FHIT: variants seen among roughly 807,000 people sequenced by gnomAD.
FHIT encodes the protein fragile histidine triad diadenosine triphosphatase.
In FHIT, 19 loss-of-function variants were observed where a neutral mutation model predicts 17.9. The ratio of observed to expected loss-of-function variants is 1.06; its 90% CI spans 0.74 to 1.56. The LOEUF (loss-of-function observed/expected upper bound fraction) is 1.56. FHIT is among the 40% of genes most tolerant of loss of function. The pLI is 0.00. For missense variants in FHIT, 248 were observed against 189.2 expected, an observed-to-expected ratio of 1.31 and a Z score of -1.82; for synonymous variants, 81 against 69.7, an observed-to-expected ratio of 1.16 and a Z score of -0.81.
chr3:60,282,828 T>C (rs1293381380), intron 5 of FHIT, among the ~76,000 whole-genome samples: 1 of 152,156 alleles, frequency 6.6e-6, no homozygotes, highest in Non-Finnish European at 1.5e-5. Context: ...TAGGATGATC[T>C]CTAGGCTCTG....
At chr3:61,227,143 G>GAAATTTA (rs1478729856) in intron 1 of FHIT, among the ~76,000 whole-genome samples, 2 of 152,124 alleles carry the variant, frequency 1.3e-5, no homozygotes. Context: ...ACAAGTGGAG[G>GAAATTTA]ACTTTTCTCC....
intron 5 of FHIT, among the ~76,000 whole-genome samples, chr3:60,115,177 C>T (rs911283054): frequency 2.0e-5 from 3 of 151,872 alleles, no homozygotes; most frequent in East Asian, 1.9e-4. Flanking sequence ...TGAAACATAA[C>T]GCCCCAGAAA....
At chr3:60,356,773 A>G in intron 5 of FHIT, among the ~76,000 whole-genome samples, 2 of 133,676 alleles carry the variant, frequency 1.5e-5, no homozygotes, top group South Asian at 2.4e-4. Flanking sequence ...AAAAAAAAAA[A>G]AAAAAAACGG....
intron 8 of FHIT, among the ~76,000 whole-genome samples, chr3:59,835,298 G>C (rs1194537991): frequency 2.0e-5 from 3 of 152,156 alleles, no homozygotes; most frequent in African/African-American, 7.2e-5. Context: ...AAGAAAGTGA[G>C]AGTGATAATA....
chr3:59,920,773 A>T (rs1341170923), intron 8 of FHIT, among the ~76,000 whole-genome samples: 2 of 152,166 alleles, frequency 1.3e-5, no homozygotes, highest in African/African-American at 2.4e-5. Flanking sequence ...CTTTATAATT[A>T]CTCTATAATT....
At chr3:60,189,279 C>T (rs1399243315) in intron 5 of FHIT, among the ~76,000 whole-genome samples, 1 of 151,962 alleles carries the variant, frequency 6.6e-6, no homozygotes, top group Non-Finnish European at 1.5e-5. Flanking sequence ...AGCTTGTATT[C>T]TCTAACTAGA....
chr3:60,951,951 A>T (rs1708903237), intron 3 of FHIT, among the ~76,000 whole-genome samples: 1 of 152,128 alleles, frequency 6.6e-6, no homozygotes, highest in Non-Finnish European at 1.5e-5. Context: ...GGATCACCTG[A>T]GGTCAGGAGT....
At chr3:60,565,000 A>G (rs1452494473) in intron 4 of FHIT, among the ~76,000 whole-genome samples, 6 of 152,188 alleles carry the variant, frequency 3.9e-5, no homozygotes, top group Non-Finnish European at 5.9e-5. Context: ...CTTCATTTTT[A>G]TTGTAAGAAA....
rs148895457 is a variant in FHIT at position 60,185,034 on chromosome 3, A to C, written c.104-170882T>G. The stretch of plus-strand genomic sequence containing the variant: ...CACTATAACGTGCTCCAGGCTCATC[A>C]TGTATATTTCTTGCTGAAGTCCCAG... On this transcript the variant is annotated intron_variant, in intron 5 of 9. Coordinates refer to ENST00000492590, the MANE Select transcript of FHIT (RefSeq NM_002012.4). Among the ~76,000 whole-genome samples, 63 of 152,200 alleles carry C rather than the reference A, an allele frequency of 4.1e-4. No individual in the cohort carries two copies. In the East Asian group the frequency reaches 9.4e-3, roughly 23 times the overall value.
At chr3:60,247,468 T>C (rs79776388) in intron 5 of FHIT, among the ~76,000 whole-genome samples, 10,224 of 151,902 alleles carry the variant, frequency 0.067, 742 homozygotes, top group African/African-American at 0.19. Flanking sequence ...GAAAAGAAAC[T>C]TAAAAACCAC....
chr3:60,539,034 T>C lies in FHIT; in HGVS notation c.-17-2055A>G, dbSNP rs1438031062. Among the ~76,000 whole-genome samples the C allele has an allele frequency of 3.3e-5, 5 of 152,074 alleles. No homozygotes were observed. In the East Asian group the frequency reaches 9.7e-4, roughly 29 times the overall value. ...ACAGAATGGGAGAAAATTTTTGCAA[T>C]CTACTCATCTGACAAAGGGCTAATA... On this transcript the variant is annotated intron_variant, in intron 4 of 9. Coordinates refer to ENST00000492590, the MANE Select transcript of FHIT (RefSeq NM_002012.4).
intron 3 of FHIT, among the ~76,000 whole-genome samples, chr3:61,039,268 G>T (rs926668130): frequency 1.3e-5 from 2 of 152,010 alleles, no homozygotes; most frequent in African/African-American, 4.8e-5. Flanking sequence ...GACTACCCTT[G>T]TATCTAGTAA....
At chr3:59,753,824 T>G (rs896358819) in intron 8 of FHIT, among the ~76,000 whole-genome samples, 1 of 152,144 alleles carries the variant, frequency 6.6e-6, no homozygotes, top group Non-Finnish European at 1.5e-5. Flanking sequence ...CCCAGCTAGG[T>G]AGTGGGGTAG....
At chr3:60,663,168 A>ATATATATATATAT (rs1553691642) in intron 4 of FHIT, among the ~76,000 whole-genome samples, 5 of 139,504 alleles carry the variant, frequency 3.6e-5, no homozygotes, top group South Asian at 4.6e-4. Context: ...ATATCTCTTT[A>ATATATATATATAT]ATGTTGGGTT....
intron 8 of FHIT, among the ~76,000 whole-genome samples, chr3:59,886,967 C>T (rs1053164252): frequency 7.2e-5 from 11 of 152,138 alleles, no homozygotes; most frequent in African/African-American, 2.7e-4. Flanking sequence ...GGCCCCTGAC[C>T]TCATGGAATT....
chr3:59,837,153 G>A (rs565118074), intron 8 of FHIT, among the ~76,000 whole-genome samples: 1 of 152,146 alleles, frequency 6.6e-6, no homozygotes, highest in Admixed American at 6.5e-5. Flanking sequence ...AAAAATGGCT[G>A]AGTAGTCCTG....
chr3:60,764,213 T>C (rs1699766942), intron 4 of FHIT, among the ~76,000 whole-genome samples: 1 of 151,872 alleles, frequency 6.6e-6, no homozygotes, highest in Non-Finnish European at 1.5e-5. Flanking sequence ...TATCAATTTC[T>C]CAGGGTAAAA....
intron 1 of FHIT, among the ~76,000 whole-genome samples, chr3:61,203,420 A>C (rs904649838): frequency 1.3e-5 from 2 of 152,126 alleles, no homozygotes; most frequent in African/African-American, 4.8e-5. Context: ...AACAATAGAT[A>C]AATCAGAACA....
At chr3:60,594,924 G>A (rs2038209425) in intron 4 of FHIT, among the ~76,000 whole-genome samples, 1 of 152,028 alleles carries the variant, frequency 6.6e-6, no homozygotes, top group African/African-American at 2.4e-5. Flanking sequence ...TTTGAGGCCA[G>A]TCCTTCCAAC....
Sources: gnomAD v4.1 joint callset for allele counts (sites outside exome capture counted in the v4.1 genomes callset) on GRCh38, gnomAD v4.1.1 for gene constraint, MANE v1.5 for transcripts, NCBI Gene and HGNC (gene_info 2026-07-23, HGNC 2026-07-21) for gene names.